Variants in SIDT1 observed in about 807,000 individuals in gnomAD.
SIDT1 encodes SID1 transmembrane family, member 1.
Under a neutral mutation model 107.5 loss-of-function variants are expected in SIDT1, and 101 were observed. That is an observed-to-expected ratio of 0.94 (90% CI 0.80 to 1.11). SIDT1 has a LOEUF of 1.11. SIDT1 is among the 50% of genes least tolerant of loss of function. The probability of loss-of-function intolerance (pLI) is 0.00; values close to 1 mark genes in which losing one functional copy is unlikely to be tolerated. For synonymous variants in SIDT1, 395 were observed against 398.2 expected (o/e 0.99, Z 0.10); for missense variants, 1,076 against 1,058.2 (o/e 1.02, Z -0.23).
intron 10 of SIDT1, among the ~76,000 whole-genome samples, chr3:113,598,083 A>G (rs1353532722): frequency 1.3e-5 from 2 of 152,230 alleles, no homozygotes; most frequent in Admixed American, 6.5e-5. Context: ...ACATTTTTGC[A>G]TGCTGGCAAT....
intron 1 of SIDT1, among the ~76,000 whole-genome samples, chr3:113,553,395 A>C (rs1298755143): frequency 3.9e-5 from 6 of 152,212 alleles, no homozygotes; most frequent in Admixed American, 6.5e-5. Flanking sequence ...ACTTACAATC[A>C]TAACAATAAT....
At chr3:113,594,472 C>T (rs973137033) in intron 10 of SIDT1, among the ~76,000 whole-genome samples, 5 of 152,102 alleles carry the variant, frequency 3.3e-5, no homozygotes. Flanking sequence ...TACATCCAAT[C>T]GATTGAATCC....
chr3:113,577,718 C>G (rs1366502863), intron 4 of SIDT1, among the ~76,000 whole-genome samples: 1 of 152,118 alleles, frequency 6.6e-6, no homozygotes, highest in African/African-American at 2.4e-5. Context: ...TTCTTTAGTC[C>G]ATAATATAGC....
rs530904649 is a variant in SIDT1 at position 113,610,864 on chromosome 3, A to G, written c.1721-144A>G. 8.6e-6 allele frequency: 8 copies of G among 930,678 alleles called. No individual in the cohort carries two copies. In the Admixed American group the frequency reaches 1.6e-4, roughly 19 times the overall value. The allele number at this position is 930,678 out of a possible 1,614,324, so 57.7% of individuals were successfully genotyped here. A position where few individuals can be genotyped will look rare whatever the true frequency, so the allele number is the denominator to read the frequency against. On this transcript the variant is annotated intron_variant, in intron 17 of 24. Coordinates refer to ENST00000264852, the MANE Select transcript of SIDT1 (RefSeq NM_017699.3). ...GAATGTGCCAAGAGGCTGACATGTT[A>G]GAGGTCTCCACACAGCCTGCGGGTA... is the stretch of plus-strand genomic sequence containing the variant.
chr3:113,560,371 A>G (rs1004268595), intron 1 of SIDT1, among the ~76,000 whole-genome samples: 1 of 152,110 alleles, frequency 6.6e-6, no homozygotes, highest in African/African-American at 2.4e-5. Flanking sequence ...TGCTTTTTCC[A>G]TTTGTCTTTC....
chr3:113,568,593 CA>C (rs769569991), intron 3 of SIDT1, among the ~76,000 whole-genome samples: 2,927 of 90,490 alleles, frequency 0.032, 54 homozygotes, highest in African/African-American at 0.077. Flanking sequence ...GACTCTGTCT[CA>C]AAAAAAAAAA....
chr3:113,567,740 T>C, intron 3 of SIDT1, 30 bp downstream of exon 3: 2 of 1,603,070 alleles, frequency 1.2e-6, no homozygotes. Context: ...TTTACCTGTC[T>C]GTGTTTCCTG....
chr3:113,541,869 T>G (rs1938916765), intron 1 of SIDT1, among the ~76,000 whole-genome samples: 1 of 152,014 alleles, frequency 6.6e-6, no homozygotes. Context: ...CTTTTTTCTT[T>G]AAAATCCAGT....
Position 113,616,170 on chromosome 3 carries a change from A to G in SIDT1, c.2037A>G (p.Leu679=), listed in dbSNP as rs1488582007. 1.2e-6 allele frequency: 2 copies of G among 1,611,360 alleles called. No homozygotes were observed. The highest frequency in any genetic ancestry group is 8.5e-7 in the Non-Finnish European group (1 of 1,177,490). The change falls in exon 20 of 25, where the codon CTA becomes CTG. Residue 679 remains leucine (L), a synonymous_variant. Transcript: ENST00000264852. ...GTATCCAGCAGTGTAGCCGACCTCT[A>G]TATATGGTATGTGCATGTTCCTGTG... ...TDCIQQCSRP[L]YMDRMVLLVV... is the part of the protein sequence containing the mutation.
intron 10 of SIDT1, among the ~76,000 whole-genome samples, chr3:113,598,750 A>C (rs1342130973): frequency 6.6e-6 from 1 of 152,216 alleles, no homozygotes; most frequent in East Asian, 1.9e-4. Context: ...TTGTGATTTT[A>C]GTGTCATTCT....
chr3:113,566,013 C>G (rs1392507049), intron 1 of SIDT1, among the ~76,000 whole-genome samples: 1 of 152,168 alleles, frequency 6.6e-6, no homozygotes, highest in Non-Finnish European at 1.5e-5. Flanking sequence ...CCGTATCCTT[C>G]TTTTTCTGTT....
chr3:113,603,002 C>G lies in SIDT1; in HGVS notation c.1118-3C>G. ...GATGGCAGATGAGTTGTCTCTGTTT[C>G]AGATGAGTCAAGCTCCAGTCCTGGA... On this transcript the variant is annotated splice_polypyrimidine_tract_variant and splice_region_variant and intron_variant, in intron 11 of 24. Coordinates refer to ENST00000264852, the MANE Select transcript of SIDT1 (RefSeq NM_017699.3). 6.2e-7 allele frequency: 1 copy of G among 1,613,428 alleles called. No homozygotes were observed. The highest frequency in any genetic ancestry group is 8.5e-7 in the Non-Finnish European group (1 of 1,179,690).
chr3:113,584,415 T>C (rs539983756), intron 7 of SIDT1, among the ~76,000 whole-genome samples: 96 of 152,322 alleles, frequency 6.3e-4, no homozygotes, highest in Non-Finnish European at 9.1e-4. Context: ...CCCCTCTTCA[T>C]TGGAGAAGGG....
chr3:113,546,371 C>CT (rs5851900), intron 1 of SIDT1, among the ~76,000 whole-genome samples: 5,695 of 151,850 alleles, frequency 0.038, 169 homozygotes, highest in East Asian at 0.16. Flanking sequence ...TTTAAAACTA[C>CT]TTTTTTTTTC....
chr3:113,612,520 C>A, intron 19 of SIDT1: 1 of 429,260 alleles, frequency 2.3e-6, no homozygotes, highest in Non-Finnish European at 4.5e-6. Flanking sequence ...TATGATCATA[C>A]CACTAGTTCC....
intron 15 of SIDT1, 53 bp downstream of exon 15, chr3:113,607,167 T>A: frequency 8.6e-7 from 1 of 1,160,500 alleles, no homozygotes; most frequent in Non-Finnish European, 1.3e-6. Flanking sequence ...CCTTTCTGTC[T>A]AATGTTGTGA....
At chr3:113,593,716 A>C (rs1944342198) in intron 10 of SIDT1, among the ~76,000 whole-genome samples, 1 of 152,194 alleles carries the variant, frequency 6.6e-6, no homozygotes, top group Non-Finnish European at 1.5e-5. Flanking sequence ...CAACAGTAAG[A>C]ATGTATTGTG....
At chr3:113,627,083 G>A (rs1468402449) in intron 24 of SIDT1, among the ~76,000 whole-genome samples, 2 of 152,174 alleles carry the variant, frequency 1.3e-5, no homozygotes. Flanking sequence ...GATTCCACGT[G>A]GGGCAGTAGT....
Position 113,619,796 on chromosome 3 carries a change from G to C in SIDT1, c.2090+70G>C, listed in dbSNP as rs1460329650. The C allele has an allele frequency of 6.5e-6, 9 of 1,374,524 alleles. No individual in the cohort carries two copies. The Admixed American group carries it at 1.4e-4, about 21-fold the overall frequency. The allele number at this position is 1,374,524 out of a possible 1,614,324, so 85.1% of individuals were successfully genotyped here. A position where few individuals can be genotyped will look rare whatever the true frequency, so the allele number is the denominator to read the frequency against. On this transcript the variant is annotated intron_variant, in intron 21 of 24. Coordinates refer to ENST00000264852, the MANE Select transcript of SIDT1 (RefSeq NM_017699.3). ...GTAACACTGTGGTTTAGCTTTCCTT[G>C]ACTGTCATTTTTACAAAGAAATCTG...
Sources: allele counts gnomAD v4.1 joint callset (sites outside exome capture counted in the v4.1 genomes callset), GRCh38; gene constraint gnomAD v4.1.1; transcripts MANE v1.5; gene names NCBI Gene and HGNC (gene_info 2026-07-23, HGNC 2026-07-21).